PALM2AKAP2: variants seen among roughly 807,000 people sequenced by gnomAD.
PALM2AKAP2 encodes the protein PALM2-AKAP2 fusion protein.
A neutral mutation model predicts 71.5 loss-of-function variants in PALM2AKAP2; 37 were observed. That is an observed-to-expected ratio of 0.52 (90% confidence interval 0.40 to 0.68). PALM2AKAP2 has a LOEUF of 0.68. Among genes scored for constraint, PALM2AKAP2 ranks in the 30% least tolerant of loss-of-function variants. The pLI is 0.00. For synonymous variants in PALM2AKAP2, 468 were observed against 478.8 expected, an observed-to-expected ratio of 0.98 and a Z score of 0.29; for missense variants, 1,224 against 1,191.8, an observed-to-expected ratio of 1.03 and a Z score of -0.40.
intron 1 of PALM2AKAP2, among the ~76,000 whole-genome samples, chr9:110,117,208 C>G (rs1835382910): frequency 1.3e-5 from 2 of 152,208 alleles, no homozygotes; most frequent in African/African-American, 4.8e-5. Context: ...CAGCCTCAAC[C>G]TCCCAGGCTC....
At chr9:109,834,801 C>A (rs1323191611) in intron 1 of PALM2AKAP2, among the ~76,000 whole-genome samples, 1 of 152,168 alleles carries the variant, frequency 6.6e-6, no homozygotes, top group East Asian at 1.9e-4. Context: ...CAAACATGGT[C>A]TTAGAGCCAC....
chr9:110,128,683 T>C (rs771571402), intron 1 of PALM2AKAP2, among the ~76,000 whole-genome samples: 3 of 152,216 alleles, frequency 2.0e-5, no homozygotes, highest in Non-Finnish European at 4.4e-5. Flanking sequence ...GAGGTCGAGA[T>C]GGGTTAGGCA....
intron 1 of PALM2AKAP2, among the ~76,000 whole-genome samples, chr9:109,655,293 G>C (rs1264858154): frequency 9.0e-5 from 7 of 77,630 alleles, no homozygotes; most frequent in East Asian, 6.5e-4. Context: ...AGCGAGACTC[G>C]GTCTCAAAAA....
intron 1 of PALM2AKAP2, among the ~76,000 whole-genome samples, chr9:109,746,361 G>T (rs769354280): frequency 4.6e-5 from 7 of 152,156 alleles, no homozygotes; most frequent in Admixed American, 6.5e-5. Flanking sequence ...AAGCATGGGG[G>T]AATGTCTTTC....
intron 1 of PALM2AKAP2, among the ~76,000 whole-genome samples, chr9:109,852,702 T>C (rs1018533421): frequency 6.6e-6 from 1 of 152,212 alleles, no homozygotes; most frequent in African/African-American, 2.4e-5. Context: ...TCTGTTGTTT[T>C]TTGACGTTTT....
intron 7 of PALM2AKAP2, among the ~76,000 whole-genome samples, chr9:110,028,841 T>C (rs1272768075): frequency 6.6e-6 from 1 of 151,776 alleles, no homozygotes; most frequent in Admixed American, 6.6e-5. Context: ...ATTTGCCAAG[T>C]CCAGTGGCCC....
chr9:109,826,853 T>G (rs1828162909), intron 1 of PALM2AKAP2, among the ~76,000 whole-genome samples: 1 of 152,216 alleles, frequency 6.6e-6, no homozygotes, highest in East Asian at 1.9e-4. Flanking sequence ...TAAACGGACA[T>G]AATTGATCCA....
rs113213456 is a variant in PALM2AKAP2 at position 110,056,748 on chromosome 9, C to T, written c.156+7893C>T. On this transcript the variant is annotated intron_variant, in intron 1 of 3. Transcript: ENST00000374525. Reference sequence around the variant, plus strand: ...TTCCTGTTTGGAATCATTTTTCCTTCAAAGAATAGTTCAGATCAGTGTTAA... The same window carrying T: ...TTCCTGTTTGGAATCATTTTTCCTTTAAAGAATAGTTCAGATCAGTGTTAA... Among the ~76,000 whole-genome samples the T allele has an allele frequency of 6.7e-3, 1,018 of 152,180 alleles. 14 individuals carry two copies. The highest frequency in any genetic ancestry group is 0.047 in the South Asian group (225 of 4,820).
intron 1 of PALM2AKAP2, among the ~76,000 whole-genome samples, chr9:110,106,388 C>T (rs914392449): frequency 1.3e-5 from 2 of 152,134 alleles, no homozygotes; most frequent in African/African-American, 2.4e-5. Flanking sequence ...AGAAGAGCAG[C>T]GTCTAAATAT....
chr9:109,721,378 G>A (rs758030332), intron 1 of PALM2AKAP2, among the ~76,000 whole-genome samples: 2 of 152,216 alleles, frequency 1.3e-5, no homozygotes, highest in Non-Finnish European at 2.9e-5. Flanking sequence ...AAAGCCTGCA[G>A]AGATCGCTTT....
intron 6 of PALM2AKAP2, among the ~76,000 whole-genome samples, chr9:109,959,441 G>A (rs997743516): frequency 5.3e-5 from 8 of 151,932 alleles, no homozygotes; most frequent in South Asian, 2.1e-4. Flanking sequence ...TCAGGAGATC[G>A]AGACCATCCT....
rs764271355 is a variant in PALM2AKAP2 at position 109,867,592 on chromosome 9, A to T, written c.126+21A>T. 6.8e-6 allele frequency: 11 copies of T among 1,606,800 alleles called. No homozygotes were observed. In the Admixed American group the frequency reaches 1.9e-4, roughly 27 times the overall value. On this transcript the variant is annotated intron_variant, in intron 2 of 9. Coordinates refer to the PALM2AKAP2 transcript ENST00000302798. ...CCAAGGTAAGCAGCTGATCCCAGGA[A>T]CCTATTCCATTATTAGACATGCAGA...
chr9:109,688,617 C>T (rs1378135886), intron 1 of PALM2AKAP2, among the ~76,000 whole-genome samples: 1 of 152,216 alleles, frequency 6.6e-6, no homozygotes, highest in East Asian at 1.9e-4. Flanking sequence ...TTAAGCCCCA[C>T]TTGAGTTACG....
At chr9:109,760,900 A>G (rs929191156) in intron 1 of PALM2AKAP2, among the ~76,000 whole-genome samples, 1 of 152,180 alleles carries the variant, frequency 6.6e-6, no homozygotes, top group Non-Finnish European at 1.5e-5. Context: ...TACTCAAAGT[A>G]AAACACAAAT....
chr9:109,659,140 G>C (rs1827350747), intron 1 of PALM2AKAP2, among the ~76,000 whole-genome samples: 1 of 148,730 alleles, frequency 6.7e-6, no homozygotes, highest in African/African-American at 2.6e-5. Context: ...CTATGTAATG[G>C]GATTTTTTTG....
chr9:109,785,712 C>G (rs1281169660), intron 1 of PALM2AKAP2, among the ~76,000 whole-genome samples: 4 of 152,138 alleles, frequency 2.6e-5, no homozygotes, highest in Admixed American at 6.5e-5. Context: ...AAAGACATGT[C>G]CCCGTGATTC....
At chr9:109,923,694 G>A (rs2131957685) in intron 3 of PALM2AKAP2, 41 bp from the exon 4 acceptor site, 1 of 1,544,314 alleles carries the variant, frequency 6.5e-7, no homozygotes, top group South Asian at 1.2e-5. Context: ...GTGGATGGCA[G>A]GACAATAAAG....
intron 6 of PALM2AKAP2, among the ~76,000 whole-genome samples, chr9:109,978,315 C>A (rs1233175797): frequency 6.6e-6 from 1 of 152,114 alleles, no homozygotes; most frequent in Non-Finnish European, 1.5e-5. Context: ...TATTTCATCT[C>A]AAATATTTTG....
At chr9:110,156,208 G>T in intron 2 of PALM2AKAP2, 111 bp from the exon 9 acceptor site, 1 of 1,398,252 alleles carries the variant, frequency 7.2e-7, no homozygotes, top group Admixed American at 2.5e-5. Context: ...CCATCATTCT[G>T]GTACCACTCT....
Sources: gnomAD v4.1 joint callset for allele counts (sites outside exome capture counted in the v4.1 genomes callset) on GRCh38, gnomAD v4.1.1 for gene constraint, MANE v1.5 for transcripts, NCBI Gene and HGNC (gene_info 2026-07-23, HGNC 2026-07-21) for gene names.